TLN2: variants seen among roughly 807,000 people sequenced by gnomAD.
TLN2 encodes the protein talin 2.
Under a neutral mutation model 294.7 loss-of-function variants are expected in TLN2, and 118 were observed. That is an observed-to-expected ratio of 0.40 (90% confidence interval 0.34 to 0.47). The LOEUF is 0.47. Among genes scored for constraint, TLN2 ranks in the 20% least tolerant of loss-of-function variants. The pLI is 0.84. For synonymous variants in TLN2, 1,431 were observed against 1,304.5 expected, an observed-to-expected ratio of 1.10 and a Z score of -2.09; for missense variants, 3,083 against 3,282.2, an observed-to-expected ratio of 0.94 and a Z score of 1.48.
rs774491593 is a variant in TLN2, at chr15:62,761,764, G to A, written c.4722G>A (p.Leu1574=). 6.2e-7 allele frequency: 1 copy of A among 1,614,146 alleles called. No homozygotes were observed. The highest frequency in any genetic ancestry group is 8.5e-7 in the Non-Finnish European group (1 of 1,180,032). ...CCTTGATTGAAGCTGTGGAGAACCT[G>A]ACAGCGTTCGCCTCAAACCCTGAGT... ...TAPLIEAVEN[L]TAFASNPEFV... is the part of the protein sequence containing the mutation. The change falls in exon 38 of 59, where the codon CTG becomes CTA. Residue 1574 remains leucine, a synonymous_variant. Transcript: ENST00000636159.
chr15:62,816,551 A>G (rs762292956), intron 52 of TLN2, among the ~76,000 whole-genome samples: 1 of 152,176 alleles, frequency 6.6e-6, no homozygotes, highest in African/African-American at 2.4e-5. Flanking sequence ...GAGGGCTGTC[A>G]TGTTGTACAC....
intron 1 of TLN2, among the ~76,000 whole-genome samples, chr15:62,532,033 CTTTTTTCT>C (rs2041068138): frequency 6.8e-6 from 1 of 146,258 alleles, no homozygotes; most frequent in African/African-American, 2.6e-5. Flanking sequence ...ATTTTTTTTA[CTTTTTTCT>C]TTTTCTCTTT....
chr15:62,515,564 G>A (rs1387132075), intron 1 of TLN2, among the ~76,000 whole-genome samples: 1 of 152,208 alleles, frequency 6.6e-6, no homozygotes, highest in African/African-American at 2.4e-5. Context: ...CTGAAGGAGA[G>A]GGCATTTCTT....
chr15:62,726,794 C>T (rs1489099552), intron 27 of TLN2, among the ~76,000 whole-genome samples: 1 of 152,150 alleles, frequency 6.6e-6, no homozygotes, highest in Non-Finnish European at 1.5e-5. Flanking sequence ...ACCTTCTGAG[C>T]CTAGGTATTA....
At chr15:62,564,184 A>G (rs1342735384) in intron 1 of TLN2, among the ~76,000 whole-genome samples, 1 of 152,172 alleles carries the variant, frequency 6.6e-6, no homozygotes, top group African/African-American at 2.4e-5. Context: ...GAGACTCAGA[A>G]TCCTTAGCCA....
intron 29 of TLN2, 138 bp downstream of exon 29, chr15:62,737,224 C>T (rs576952827): frequency 6.2e-5 from 53 of 853,250 alleles, no homozygotes; most frequent in African/African-American, 3.5e-4. Context: ...AAGGTCATAA[C>T]GATGCTGGCC....
chr15:62,764,839 C>T (rs1362896062), intron 40 of TLN2, among the ~76,000 whole-genome samples: 7 of 151,836 alleles, frequency 4.6e-5, no homozygotes, highest in African/African-American at 1.2e-4. Flanking sequence ...TGGTGGCGGG[C>T]GCCTGTAATC....
At chr15:62,513,092 C>T (rs962574329) in intron 1 of TLN2, among the ~76,000 whole-genome samples, 1 of 152,196 alleles carries the variant, frequency 6.6e-6, no homozygotes, top group African/African-American at 2.4e-5. Context: ...GCTACATAGG[C>T]ATTCCCAAGT....
intron 45 of TLN2, among the ~76,000 whole-genome samples, chr15:62,790,392 T>TGATCTA (rs2064995756): frequency 1.3e-5 from 2 of 152,214 alleles, no homozygotes; most frequent in Non-Finnish European, 2.9e-5. Flanking sequence ...AGAAAAACAC[T>TGATCTA]GATCTACCGA....
chr15:62,431,128 A>G (rs959915564), intron 1 of TLN2, among the ~76,000 whole-genome samples: 1 of 152,108 alleles, frequency 6.6e-6, no homozygotes, highest in Non-Finnish European at 1.5e-5. Flanking sequence ...TTAACAGGTA[A>G]ACATCTCTCT....
At chr15:62,802,473 T>C (rs1359070437) in intron 50 of TLN2, among the ~76,000 whole-genome samples, 1 of 152,140 alleles carries the variant, frequency 6.6e-6, no homozygotes, top group African/African-American at 2.4e-5. Context: ...TGCACTCCCA[T>C]GTTTATTGCA....
intron 1 of TLN2, among the ~76,000 whole-genome samples, chr15:62,581,766 G>A (rs1017793341): frequency 9.9e-5 from 15 of 152,086 alleles, no homozygotes; most frequent in Admixed American, 2.0e-4. Context: ...ATAGTGGGCC[G>A]GGTGCGGTGG....
At chr15:62,584,434 A>C (rs2140707667) in intron 1 of TLN2, among the ~76,000 whole-genome samples, 1 of 152,340 alleles carries the variant, frequency 6.6e-6, no homozygotes, top group Middle Eastern at 3.4e-3. Context: ...TTTGTCCTGC[A>C]AAAAGGCAAC....
chr15:62,523,915 C>T (rs1008921401), intron 1 of TLN2, among the ~76,000 whole-genome samples: 4 of 152,178 alleles, frequency 2.6e-5, no homozygotes, highest in Middle Eastern at 3.2e-3. Context: ...TTGAACATAC[C>T]GATCCCAGCT....
chr15:62,566,175 A>T (rs1204672030), intron 1 of TLN2, among the ~76,000 whole-genome samples: 1 of 152,164 alleles, frequency 6.6e-6, no homozygotes, highest in Non-Finnish European at 1.5e-5. Flanking sequence ...TGTGAACAGG[A>T]TAACTCCTGT....
intron 12 of TLN2, among the ~76,000 whole-genome samples, chr15:62,692,146 G>A (rs368801928): frequency 6.6e-6 from 1 of 152,174 alleles, no homozygotes; most frequent in Non-Finnish European, 1.5e-5. Flanking sequence ...TGACACTAAG[G>A]TTCCTGCTCA....
chr15:62,508,832 C>G (rs1014194224), intron 1 of TLN2, among the ~76,000 whole-genome samples: 4 of 152,140 alleles, frequency 2.6e-5, no homozygotes, highest in African/African-American at 9.7e-5. Context: ...GTGGAGGTCT[C>G]TACTATCCAT....
chr15:62,570,903 CTGTGTGTGTGTG>C (rs58523803), intron 1 of TLN2, among the ~76,000 whole-genome samples: 7,545 of 143,892 alleles, frequency 0.052, 646 homozygotes, highest in African/African-American at 0.18. Context: ...GCACAGGCAT[CTGTGTGTGTGTG>C]TGTGTGTGTG....
At chr15:62,513,477 T>A (rs1360155366) in intron 1 of TLN2, among the ~76,000 whole-genome samples, 4 of 152,228 alleles carry the variant, frequency 2.6e-5, no homozygotes, top group Non-Finnish European at 5.9e-5. Flanking sequence ...AATGTTGGAT[T>A]TCCTTCCTGT....
Sources: gnomAD v4.1 joint callset for allele counts (sites outside exome capture counted in the v4.1 genomes callset) on GRCh38, gnomAD v4.1.1 for gene constraint, MANE v1.5 for transcripts, NCBI Gene and HGNC (gene_info 2026-07-23, HGNC 2026-07-21) for gene names.